The following ELMO1 variants were observed in gnomAD, a reference collection of about 807,000 sequenced individuals.
The protein encoded by ELMO1 is engulfment and cell motility protein 1.
A neutral mutation model predicts 98.9 loss-of-function variants in ELMO1; 26 were observed. The ratio of observed to expected loss-of-function variants is 0.26; its 90% CI spans 0.19 to 0.36. The LOEUF is 0.36. ELMO1 is among the 10% of genes least tolerant of loss of function. ELMO1 has a pLI of 1.00. For synonymous variants in ELMO1, 346 were observed against 346.0 expected, an observed-to-expected ratio of 1.00 and a Z score of 0.00; for missense variants, 627 against 935.2, an observed-to-expected ratio of 0.67 and a Z score of 4.30.
At chr7:37,405,193 TCAAGAC>T (rs71973673) in intron 1 of ELMO1, among the ~76,000 whole-genome samples, 34,759 of 151,930 alleles carry the variant, frequency 0.23, 4,173 homozygotes, top group East Asian at 0.42. Flanking sequence ...TTTTTATACT[TCAAGAC>T]CAAAACAACA....
rs73693577 is a variant in ELMO1 at position 37,425,681 on chromosome 7, G to T, written c.-74+22994C>A. Among the ~76,000 whole-genome samples, 983 of 152,308 alleles carry T rather than the reference G, an allele frequency of 6.5e-3. 7 individuals carry two copies. The highest frequency in any genetic ancestry group is 0.023 in the African/African-American group (942 of 41,564). ...CCCATGTGTAAAATGAGTTTAAAAC[G>T]TTAGGTTCCCCAAATAAGTGCTCCA... On this transcript the variant is annotated intron_variant, in intron 1 of 21. Coordinates refer to ENST00000310758, the MANE Select transcript of ELMO1 (RefSeq NM_014800.11).
At chr7:36,942,207 G>A (rs1456169491) in intron 16 of ELMO1, among the ~76,000 whole-genome samples, 1 of 152,116 alleles carries the variant, frequency 6.6e-6, no homozygotes, top group East Asian at 1.9e-4. Flanking sequence ...TTCACAACCT[G>A]GCGGATGTGG....
At chr7:36,962,915 C>T (rs192514852) in intron 16 of ELMO1, among the ~76,000 whole-genome samples, 204 of 152,042 alleles carry the variant, frequency 1.3e-3, no homozygotes, top group African/African-American at 2.6e-3. Context: ...AAAAGTATTA[C>T]GGAAAATTGG....
chr7:37,391,217 A>G (rs1287536395), intron 1 of ELMO1, among the ~76,000 whole-genome samples: 2 of 152,054 alleles, frequency 1.3e-5, no homozygotes, highest in Non-Finnish European at 2.9e-5. Context: ...CCCGGGCTCA[A>G]ATGATTCTCC....
intron 16 of ELMO1, among the ~76,000 whole-genome samples, chr7:36,970,004 C>T (rs1316271361): frequency 1.3e-5 from 2 of 151,692 alleles, no homozygotes; most frequent in African/African-American, 4.9e-5. Context: ...CAAACTATAC[C>T]GATAGTAAAA....
rs144784988 is a variant in ELMO1, at chr7:37,387,715, C to T, written c.-73-44952G>A. Among the ~76,000 whole-genome samples, 627 of 152,292 alleles carry T rather than the reference C, an allele frequency of 4.1e-3. 9 individuals are homozygous for T. Among genetic ancestry groups the T allele is most frequent in the African/African-American group, 0.015 (603 of 41,558 alleles). ...TGGGAAACCAGATGTCTGTTCCACT[C>T]GCTGTCCTGAAAAGTCATGATGTAC... On this transcript the variant is annotated intron_variant, in intron 1 of 21. Transcript: ENST00000310758.
At chr7:37,364,883 C>A (rs1302816665) in intron 1 of ELMO1, among the ~76,000 whole-genome samples, 4 of 152,140 alleles carry the variant, frequency 2.6e-5, no homozygotes, top group Admixed American at 2.6e-4. Context: ...ACTCTTTGTG[C>A]CAAGGCACTT....
intron 16 of ELMO1, among the ~76,000 whole-genome samples, chr7:36,926,164 C>T (rs973567563): frequency 3.9e-5 from 6 of 152,182 alleles, no homozygotes; most frequent in Admixed American, 1.3e-4. Context: ...CTGCCCAAGG[C>T]AAAGAGGTGG....
intron 13 of ELMO1, among the ~76,000 whole-genome samples, chr7:37,167,821 A>G (rs1789829386): frequency 1.3e-5 from 2 of 149,660 alleles, no homozygotes; most frequent in African/African-American, 4.9e-5. Flanking sequence ...TGTGTCTTGG[A>G]GTTGCTCTTC....
chr7:37,362,288 G>C (rs1281592051), intron 1 of ELMO1, among the ~76,000 whole-genome samples: 6 of 151,814 alleles, frequency 4.0e-5, no homozygotes. Flanking sequence ...CTCCCACCAG[G>C]TATGCTTCTA....
intron 4 of ELMO1, among the ~76,000 whole-genome samples, chr7:37,307,969 C>T (rs567214158): frequency 5.6e-4 from 85 of 152,128 alleles, no homozygotes; most frequent in African/African-American, 2.0e-3. Flanking sequence ...AAAAATTAGC[C>T]GCGCATGGTG....
intron 16 of ELMO1, among the ~76,000 whole-genome samples, chr7:37,012,841 G>A (rs1221708032): frequency 6.6e-6 from 1 of 152,174 alleles, no homozygotes; most frequent in Non-Finnish European, 1.5e-5. Flanking sequence ...CGGGGCAGAT[G>A]ATCACAACAC....
intron 2 of ELMO1, among the ~76,000 whole-genome samples, chr7:37,318,611 A>G (rs1456171117): frequency 1.3e-5 from 2 of 152,218 alleles, no homozygotes; most frequent in Non-Finnish European, 2.9e-5. Flanking sequence ...GAAAGGAATA[A>G]AGACCACAGA....
At chr7:37,263,823 G>C (rs1222271228) in intron 5 of ELMO1, among the ~76,000 whole-genome samples, 1 of 152,194 alleles carries the variant, frequency 6.6e-6, no homozygotes, top group Non-Finnish European at 1.5e-5. Context: ...GGAAGCAGTA[G>C]ACAAGGTAGC....
chr7:37,128,484 C>G (rs897248616), intron 14 of ELMO1, among the ~76,000 whole-genome samples: 17 of 152,164 alleles, frequency 1.1e-4, no homozygotes, highest in Non-Finnish European at 2.1e-4. Context: ...AGATTTTACT[C>G]CATGCACAGT....
chr7:36,888,344 A>AT (rs968654190), intron 17 of ELMO1, among the ~76,000 whole-genome samples: 16 of 148,954 alleles, frequency 1.1e-4, no homozygotes, highest in East Asian at 3.9e-4. Context: ...TGGTTTTCAA[A>AT]TTTTTTTTTT....
chr7:36,913,024 C>T (rs1361314180), intron 16 of ELMO1, among the ~76,000 whole-genome samples: 1 of 152,150 alleles, frequency 6.6e-6, no homozygotes, highest in Non-Finnish European at 1.5e-5. Context: ...GATCCATCTC[C>T]AAAGCACTTA....
At chr7:37,376,090 C>A in intron 1 of ELMO1, 4 of 344,286 alleles carry the variant, frequency 1.2e-5, no homozygotes, top group South Asian at 2.6e-5. Flanking sequence ...AATGAACAAA[C>A]AAACAAACAA....
At chr7:36,884,629 C>T (rs1257394747) in intron 18 of ELMO1, among the ~76,000 whole-genome samples, 1 of 152,114 alleles carries the variant, frequency 6.6e-6, no homozygotes, top group Admixed American at 6.5e-5. Context: ...TTCCCAGAAA[C>T]CCAGATCTGT....
Sources: allele counts gnomAD v4.1 joint callset (sites outside exome capture counted in the v4.1 genomes callset), GRCh38; gene constraint gnomAD v4.1.1; transcripts MANE v1.5; gene names NCBI Gene and HGNC (gene_info 2026-07-23, HGNC 2026-07-21).